PDGFRA: variants seen among roughly 807,000 people sequenced by gnomAD.
PDGFRA encodes platelet-derived growth factor receptor alpha.
In PDGFRA, 25 loss-of-function variants were observed where a neutral mutation model predicts 121.5. The ratio of observed to expected loss-of-function variants is 0.21; its 90% confidence interval spans 0.15 to 0.29. The LOEUF is 0.29. Ranked by LOEUF, PDGFRA falls within the 10% of genes least tolerant of loss-of-function variation. PDGFRA has a pLI of 1.00. For missense variants in PDGFRA, 1,008 were observed against 1,345.1 expected (o/e 0.75, Z 3.92); for synonymous variants, 463 against 494.8 (o/e 0.94, Z 0.85).
intron 22 of PDGFRA, among the ~76,000 whole-genome samples, chr4:54,292,426 C>A (rs1482360586): frequency 6.6e-6 from 1 of 152,126 alleles, no homozygotes; most frequent in Admixed American, 6.5e-5. Flanking sequence ...GAACAGAAAA[C>A]CAAACACCAC....
At chr4:54,252,595 A>G (rs1299758093) in intron 1 of PDGFRA, among the ~76,000 whole-genome samples, 2 of 152,198 alleles carry the variant, frequency 1.3e-5, no homozygotes, top group Non-Finnish European at 2.9e-5. Flanking sequence ...GCTGCAGAAA[A>G]AAAAGAAGAT....
At position 54,229,352 on chromosome 4, in the gene PDGFRA, G is replaced by A; in HGVS notation, c.-76G>A. 2.5e-6 allele frequency: 1 copy of A among 398,638 alleles called. No homozygotes were observed. Among genetic ancestry groups the A allele is most frequent in the South Asian group, 1.3e-4 (1 of 7,860 alleles). The allele number at this position is 398,638 out of a possible 1,614,324, so 24.7% of individuals were successfully genotyped here. On this transcript the variant is annotated 5_prime_UTR_variant, in exon 1 of 23. Transcript: ENST00000257290. ...AGGAGACTGCAAGAGATCATTGGAG[G>A]CCGTGGGCACGCTCTTTACTCCATG...
chr4:54,240,082 G>A, intron 1 of PDGFRA: 1 of 409,736 alleles, frequency 2.4e-6, no homozygotes, highest in South Asian at 1.7e-5. Flanking sequence ...TGAACTCCTG[G>A]GCTCAAATGA....
At chr4:54,251,131 A>G (rs1722036843) in intron 1 of PDGFRA, among the ~76,000 whole-genome samples, 1 of 152,108 alleles carries the variant, frequency 6.6e-6, no homozygotes, top group African/African-American at 2.4e-5. Flanking sequence ...GAAAACACAA[A>G]TAAACTTCCA....
In PDGFRA at chr4:54,235,564, A is replaced by G. The variant is rs192360237; in HGVS notation, c.-13+6149A>G. On this transcript the variant is annotated intron_variant, in intron 1 of 22. Coordinates refer to ENST00000257290, the MANE Select transcript of PDGFRA (RefSeq NM_006206.6). ...TGTTTCTCTGTTTCTGTGACTGTATATATTGGCTCATCTTTGAATGGTCTT... is the reference window on the plus strand; with the variant it reads ...TGTTTCTCTGTTTCTGTGACTGTATGTATTGGCTCATCTTTGAATGGTCTT... 2.5e-3 allele frequency among the ~76,000 whole-genome samples: 381 copies of G among 152,332 alleles called. 5 individuals are homozygous for G. The East Asian group carries it at 0.066, about 27-fold the overall frequency.
chr4:54,264,011 AATC>A, intron 4 of PDGFRA, 84 bp downstream of exon 4: 1 of 1,151,148 alleles, frequency 8.7e-7, no homozygotes, highest in Non-Finnish European at 1.3e-6. Flanking sequence ...TTTTTTTTTA[AATC>A]ATCATCACTG....
At chr4:54,262,369 C>T (rs1722799920) in intron 3 of PDGFRA, among the ~76,000 whole-genome samples, 1 of 152,108 alleles carries the variant, frequency 6.6e-6, no homozygotes, top group Admixed American at 6.6e-5. Context: ...GCCTGGCCTA[C>T]TCCTGCATTT....
chr4:54,230,951 C>G (rs1720627725), intron 1 of PDGFRA, among the ~76,000 whole-genome samples: 1 of 152,194 alleles, frequency 6.6e-6, no homozygotes. Flanking sequence ...TCGGCCAGGT[C>G]GGAGCGACGA....
chr4:54,290,873 C>T (rs1268072410), intron 22 of PDGFRA, among the ~76,000 whole-genome samples: 2 of 152,116 alleles, frequency 1.3e-5, no homozygotes, highest in Non-Finnish European at 2.9e-5. Context: ...TCATATAAGC[C>T]TCTCCTGCCA....
In PDGFRA at chr4:54,280,402, G is replaced by C. The variant is rs2110324276; in HGVS notation, c.2243G>C (p.Arg748Thr). The change falls in exon 16 of 23, where the codon AGG (arginine) becomes ACG (threonine). Residue 748 changes from arginine to threonine, a missense_variant. By Grantham distance (71) the Arg-to-Thr change is moderately conservative (BLOSUM62 -1). Around this residue, in one of 5 missense-constraint regions of PDGFRA, gnomAD observed 128 missense variants for 147.6 expected, o/e 0.87. Transcript: ENST00000257290. ...DTTQYVPMLE[R>T]KEVSKYSDIQ... Reference sequence around the variant, plus strand: ...ACACAGTATGTCCCCATGCTAGAAAGGAAAGAGGTTTCTAAATATTCCGAC... The same window carrying C: ...ACACAGTATGTCCCCATGCTAGAAACGAAAGAGGTTTCTAAATATTCCGAC... The C allele has an allele frequency of 6.2e-7, 1 of 1,612,954 alleles. No individual in the cohort carries two copies. Among genetic ancestry groups the C allele is most frequent in the Non-Finnish European group, 8.5e-7 (1 of 1,178,908 alleles).
chr4:54,229,436 A>AT (rs1335677926), intron 1 of PDGFRA, 21 bp downstream of exon 1: 4 of 397,470 alleles, frequency 1.0e-5, no homozygotes, highest in Non-Finnish European at 1.3e-5. Flanking sequence ...AGAAAAAATG[A>AT]TTTTTTGTTT....
In PDGFRA at chr4:54,295,141, G is replaced by C. The variant is rs1203681167; in HGVS notation, c.3139G>C (p.Glu1047Gln). The change falls in exon 23 of 23, where the codon GAG (glutamate) becomes CAG (glutamine). Residue 1047 changes from glutamate to glutamine, a missense_variant. Glu to Gln is a conservative substitution (Grantham distance 29). Transcript: ENST00000257290. Reference sequence around the variant, plus strand: ...CTCCTCCAGCTCGCAGACCTCTGAAGAGAGTGCCATTGAGACGGGTTCCAG... The same window carrying C: ...CTCCTCCAGCTCGCAGACCTCTGAACAGAGTGCCATTGAGACGGGTTCCAG... ...RNRHSSQTSE[E>Q]SAIETGSSSS... is the part of the protein sequence containing the mutation. 6.2e-7 allele frequency: 1 copy of C among 1,614,170 alleles called. No homozygotes were observed. Among genetic ancestry groups the C allele is most frequent in the Non-Finnish European group, 8.5e-7 (1 of 1,180,022 alleles).
intron 1 of PDGFRA, among the ~76,000 whole-genome samples, chr4:54,242,648 G>T (rs997992023): frequency 6.6e-6 from 1 of 151,904 alleles, no homozygotes; most frequent in African/African-American, 2.4e-5. Flanking sequence ...TTGAGAGAAA[G>T]TGTTTTGTGT....
intron 16 of PDGFRA, chr4:54,280,754 A>G (rs528783545): frequency 5.5e-5 from 13 of 236,616 alleles, no homozygotes; most frequent in Admixed American, 3.6e-4. Context: ...TGCAGTAAAC[A>G]TTTTTTAAAA....
chr4:54,269,201 A>G (rs1332299628), intron 7 of PDGFRA, among the ~76,000 whole-genome samples: 2 of 152,166 alleles, frequency 1.3e-5, no homozygotes, highest in Non-Finnish European at 2.9e-5. Flanking sequence ...GAGCACACCC[A>G]GTATGGTCCA....
chr4:54,267,500 T>C (rs772483373), intron 6 of PDGFRA, 40 bp downstream of exon 6: 1 of 1,613,778 alleles, frequency 6.2e-7, no homozygotes, highest in Non-Finnish European at 8.5e-7. Flanking sequence ...TCCATGCTGC[T>C]CGGGATCCAT....
In PDGFRA at chr4:54,295,379, T is replaced by G. The variant is rs147363356; in HGVS notation, c.*107T>G. ...GTTGAGAGGAGGACTTGGTTGATGT[T>G]TAAAGAGAAGTTCCCAGCCAAGGGC... On this transcript the variant is annotated 3_prime_UTR_variant, in exon 23 of 23. Coordinates refer to ENST00000257290, the MANE Select transcript of PDGFRA (RefSeq NM_006206.6). The G allele has an allele frequency of 8.7e-7, 1 of 1,148,584 alleles. No homozygotes were observed. The highest frequency in any genetic ancestry group is 2.4e-5 in the East Asian group (1 of 42,426). The allele number at this position is 1,148,584 out of a possible 1,614,324, so 71.1% of individuals were successfully genotyped here. A position where few individuals can be genotyped will look rare whatever the true frequency, so the allele number is the denominator to read the frequency against.
rs1023052564 is a variant in PDGFRA, at chr4:54,296,274, A to G, written c.*1002A>G. ...AACTCTTAAGTCCTAAAAGTTCTCA[A>G]TGTAGAGGCATAAACCTGTGCTGAA... is the stretch of plus-strand genomic sequence containing the variant. On this transcript the variant is annotated 3_prime_UTR_variant, in exon 23 of 23. Coordinates refer to ENST00000257290, the MANE Select transcript of PDGFRA (RefSeq NM_006206.6). The G allele has an allele frequency of 2.6e-5, 6 of 232,854 alleles. No homozygotes were observed. Among genetic ancestry groups the G allele is most frequent in the African/African-American group, 1.3e-4 (6 of 45,352 alleles). The allele number at this position is 232,854 out of a possible 1,614,324, so 14.4% of individuals were successfully genotyped here.
At chr4:54,236,755 A>C (rs1223245432) in intron 1 of PDGFRA, among the ~76,000 whole-genome samples, 1 of 152,058 alleles carries the variant, frequency 6.6e-6, no homozygotes, top group African/African-American at 2.4e-5. Context: ...ATGAGCTGAG[A>C]TCATGCCACT....
Sources: allele counts gnomAD v4.1 joint callset (sites outside exome capture counted in the v4.1 genomes callset), GRCh38; gene constraint gnomAD v4.1.1; regional missense constraint gnomAD v4.1.1; transcripts MANE v1.5; gene names NCBI Gene and HGNC (gene_info 2026-07-23, HGNC 2026-07-21).